The following CYP4X1 variants were observed in gnomAD, a reference collection of about 807,000 sequenced individuals.
CYP4X1 encodes the protein cytochrome P450 4X1.
CYP4X1 carries 44 observed loss-of-function variants against 57.9 expected under a neutral mutation model. That is an observed-to-expected ratio of 0.76 (90% confidence interval 0.60 to 0.98). The LOEUF is 0.98. Among genes scored for constraint, CYP4X1 ranks in the 50% least tolerant of loss-of-function variants. The probability of loss-of-function intolerance (pLI) is 0.00; values close to 1 mark genes in which losing one functional copy is unlikely to be tolerated. For missense variants in CYP4X1, 532 were observed against 623.9 expected, an observed-to-expected ratio of 0.85 and a Z score of 1.57; for synonymous variants, 227 against 228.6, an observed-to-expected ratio of 0.99 and a Z score of 0.06.
At chr1:47,040,250 C>T (rs975489362) in intron 8 of CYP4X1, among the ~76,000 whole-genome samples, 1 of 152,044 alleles carries the variant, frequency 6.6e-6, no homozygotes, top group Admixed American at 6.6e-5. Flanking sequence ...AGGAGACTTC[C>T]TTGACATTTA....
the CYP4X1 span, among the ~76,000 whole-genome samples, chr1:46,963,470 A>G: frequency 6.6e-6 from 1 of 151,366 alleles, no homozygotes; most frequent in African/African-American, 2.4e-5. Context: ...ATCTCTCAGC[A>G]TTTGCTTGTC....
In CYP4X1 at chr1:47,023,798, G is replaced by A; in HGVS notation, c.-20G>A. On this transcript the variant is annotated 5_prime_UTR_variant, in exon 1 of 12. Transcript: ENST00000371901. ...TCCCGCGCCCCAGGAAACCGCCGGC[G>A]TTCGGCGCTGCGCAGAGCCATGGAA... The A allele has an allele frequency of 6.2e-7, 1 of 1,602,332 alleles. No homozygotes were observed. Among genetic ancestry groups the A allele is most frequent in the Non-Finnish European group, 8.5e-7 (1 of 1,172,880 alleles).
chr1:47,048,515 C>T, intron 9 of CYP4X1, 50 bp from the exon 10 acceptor site: 2 of 1,593,032 alleles, frequency 1.3e-6, no homozygotes, highest in Non-Finnish European at 1.7e-6. Context: ...CACAGTAGCC[C>T]ACAACTTGCT....
At chr1:47,054,463 T>C (rs1644380509), downstream of CYP4X1, among the ~76,000 whole-genome samples, 2 of 151,924 alleles carry the variant, frequency 1.3e-5, no homozygotes, top group African/African-American at 4.8e-5. Context: ...AAGAAAGTCA[T>C]TGGTAGCTTG....
chr1:46,978,669 T>C, the CYP4X1 span, among the ~76,000 whole-genome samples: 2 of 152,144 alleles, frequency 1.3e-5, no homozygotes, highest in Non-Finnish European at 1.5e-5. Context: ...CAATAGAATA[T>C]ACATTCTTCT....
Position 47,023,759 on chromosome 1 carries a change from G to C in CYP4X1, c.-59G>C, listed in dbSNP as rs939685526. 1.3e-6 allele frequency: 2 copies of C among 1,568,058 alleles called. No individual in the cohort carries two copies. The highest frequency in any genetic ancestry group is 1.7e-6 in the Non-Finnish European group (2 of 1,156,934). ...GACCCTACGCCAGCTCCGGGCGGGA[G>C]AAAGCCCACCCTCTCCCGCGCCCCA... is the stretch of plus-strand genomic sequence containing the variant. On this transcript the variant is annotated 5_prime_UTR_variant, in exon 1 of 12. Coordinates refer to ENST00000371901, the MANE Select transcript of CYP4X1 (RefSeq NM_178033.2).
chr1:47,043,203 C>G (rs1644265130), intron 8 of CYP4X1, among the ~76,000 whole-genome samples: 2 of 152,152 alleles, frequency 1.3e-5, no homozygotes, highest in South Asian at 4.1e-4. Context: ...TTTCCCTGAT[C>G]ATTAGTGATG....
intron 8 of CYP4X1, among the ~76,000 whole-genome samples, chr1:47,041,509 T>G (rs983645618): frequency 6.6e-6 from 1 of 152,202 alleles, no homozygotes; most frequent in Non-Finnish European, 1.5e-5. Flanking sequence ...ATTATGGTTT[T>G]AATTTACGTT....
Position 47,024,016 on chromosome 1 carries a change from G to T in CYP4X1, c.177+22G>T, listed in dbSNP as rs200133350. Reference sequence around the variant, plus strand: ...GAAGGTAGATGGGAGGGAGGAGGGAGGAAGGAGGAGGGAGGGGCGGAGGAG... The same window carrying T: ...GAAGGTAGATGGGAGGGAGGAGGGATGAAGGAGGAGGGAGGGGCGGAGGAG... On this transcript the variant is annotated intron_variant, in intron 1 of 11. Transcript: ENST00000371901. The T allele has an allele frequency of 3.5e-5, 56 of 1,602,478 alleles. No individual in the cohort carries two copies. The Admixed American group carries it at 5.2e-4, about 15-fold the overall frequency.
chr1:46,965,206 C>T, the CYP4X1 span, among the ~76,000 whole-genome samples: 1 of 152,222 alleles, frequency 6.6e-6, no homozygotes, highest in Non-Finnish European at 1.5e-5. Flanking sequence ...CGATGCCTCG[C>T]CCTGAATTGG....
the CYP4X1 span, among the ~76,000 whole-genome samples, chr1:46,997,145 G>A: frequency 6.6e-6 from 1 of 152,296 alleles, no homozygotes; most frequent in East Asian, 1.9e-4. Context: ...AGCCCATGCA[G>A]AAGTATTTTT....
chr1:47,038,724 G>C lies in CYP4X1; in HGVS notation c.840G>C (p.Lys280Asn). 1 of 1,611,408 alleles carries C rather than the reference G, an allele frequency of 6.2e-7. No individual in the cohort carries two copies. Among genetic ancestry groups the C allele is most frequent in the African/African-American group, 1.3e-5 (1 of 74,896 alleles). ...GGGTAAAGCAGGATAACACTCCGAAGAGGAAGTACCAGGATTTTCTGGATA... is the reference window on the plus strand; with the variant it reads ...GGGTAAAGCAGGATAACACTCCGAACAGGAAGTACCAGGATTTTCTGGATA... Reference protein sequence around the residue: ...QAGVKQDNTPKRKYQDFLDIV... With the variant: ...QAGVKQDNTPNRKYQDFLDIV... The change falls in exon 7 of 12, where the codon AAG (lysine) becomes AAC (asparagine). Residue 280 changes from lysine to asparagine, a missense_variant. Physicochemically the swap from Lys to Asn is moderately conservative, Grantham distance 94 (BLOSUM62 0). Transcript: ENST00000371901.
At chr1:47,018,590 T>C in the CYP4X1 span, among the ~76,000 whole-genome samples, 9 of 152,050 alleles carry the variant, frequency 5.9e-5, no homozygotes, top group Non-Finnish European at 1.5e-5. Context: ...GTGGAAGAGG[T>C]TGACCTGTTC....
chr1:47,031,814 G>A (rs542351515), intron 3 of CYP4X1, among the ~76,000 whole-genome samples: 2 of 152,224 alleles, frequency 1.3e-5, no homozygotes, highest in East Asian at 3.9e-4. Context: ...GGCCAAGGTG[G>A]GAGGATCACT....
Position 47,050,044 on chromosome 1 carries a change from C to A in CYP4X1, c.1400C>A (p.Thr467Asn). Residue 467 changes from threonine (T) to asparagine (N), a missense_variant, in exon 12 of 12, where the codon ACC becomes AAC. Physicochemically the swap from Thr to Asn is moderately conservative, Grantham distance 65. Coordinates refer to ENST00000371901, the MANE Select transcript of CYP4X1 (RefSeq NM_178033.2). ...TTTGCCATGATTGAGTTAAAGGTAA[C>A]CATTGCCTTGATTCTGCTCCACTTC... ...QEFAMIELKV[T>N]IALILLHFRV... is the part of the protein sequence containing the mutation. 6.2e-7 allele frequency: 1 copy of A among 1,613,934 alleles called. No homozygotes were observed. Among genetic ancestry groups the A allele is most frequent in the Non-Finnish European group, 8.5e-7 (1 of 1,179,982 alleles).
Position 47,023,708 on chromosome 1 carries a change from G to A in CYP4X1, c.-110G>A. On this transcript the variant is annotated 5_prime_UTR_variant, in exon 1 of 12. Coordinates refer to ENST00000371901, the MANE Select transcript of CYP4X1 (RefSeq NM_178033.2). The stretch of plus-strand genomic sequence containing the variant: ...TTCCCGCGAGTCAGAAGCTTCGCGA[G>A]GGCCCAGAGAGGCGGTGGGGTGGGC... 6.9e-7 allele frequency: 1 copy of A among 1,458,074 alleles called. No individual in the cohort carries two copies. The highest frequency in any genetic ancestry group is 9.0e-7 in the Non-Finnish European group (1 of 1,108,840). The allele number at this position is 1,458,074 out of a possible 1,614,324, so 90.3% of individuals were successfully genotyped here. A position where few individuals can be genotyped will look rare whatever the true frequency, so the allele number is the denominator to read the frequency against.
the CYP4X1 span, among the ~76,000 whole-genome samples, chr1:46,973,927 C>T: frequency 6.6e-6 from 1 of 151,688 alleles, no homozygotes; most frequent in African/African-American, 2.4e-5. Context: ...TTTCATTTGG[C>T]TCTCTGATTT....
chr1:47,000,768 A>T, the CYP4X1 span: 1 of 152,920 alleles, frequency 6.5e-6, no homozygotes, highest in African/African-American at 2.4e-5. Context: ...AGAGAATTGC[A>T]GACAGACTGG....
At chr1:47,043,108 C>T (rs1644263914) in intron 8 of CYP4X1, among the ~76,000 whole-genome samples, 2 of 152,158 alleles carry the variant, frequency 1.3e-5, no homozygotes, top group African/African-American at 4.8e-5. Context: ...ACTGTATCCA[C>T]ACCATCATCT....
Sources: allele counts gnomAD v4.1 joint callset (sites outside exome capture counted in the v4.1 genomes callset), GRCh38; gene constraint gnomAD v4.1.1; transcripts MANE v1.5; gene names NCBI Gene and HGNC (gene_info 2026-07-23, HGNC 2026-07-21).